The following RERE variants were observed in gnomAD, a reference collection of about 807,000 sequenced individuals.
RERE encodes the protein arginine-glutamic acid dipeptide repeats, also known as arginine-glutamic acid dipeptide repeats protein.
In RERE, 40 loss-of-function variants were observed where a neutral mutation model predicts 146.1. That is an observed-to-expected ratio of 0.27 (90% CI 0.21 to 0.36). RERE has a LOEUF of 0.36. RERE is among the 10% of genes least tolerant of loss of function. The pLI is 1.00. For missense variants in RERE, 1,933 were observed against 2,138.7 expected (o/e 0.90, Z 1.90); for synonymous variants, 1,003 against 866.0 (o/e 1.16, Z -2.78).
At position 8,714,300 on chromosome 1, in the gene RERE, G is replaced by A. The variant is rs540886853; in HGVS notation, c.-144-57859C>T. 2.3e-3 allele frequency among the ~76,000 whole-genome samples: 347 copies of A among 152,078 alleles called. 1 individual carries two copies. Among genetic ancestry groups the A allele is most frequent in the Admixed American group, 3.5e-3 (54 of 15,282 alleles). On this transcript the variant is annotated intron_variant, in intron 1 of 22. Transcript: ENST00000400908. ...CTCTAATAACTTTATCTTTCCAAGG[G>A]GCATCATTCAAGTAACAACTCATCC...
At chr1:8,740,895 T>A (rs1640293453) in intron 1 of RERE, among the ~76,000 whole-genome samples, 1 of 152,004 alleles carries the variant, frequency 6.6e-6, no homozygotes, top group Admixed American at 6.5e-5. Context: ...TTATTTTATA[T>A]GTAAGTAGAG....
intron 1 of RERE, among the ~76,000 whole-genome samples, chr1:8,662,459 G>C (rs756028985): frequency 1.4e-4 from 22 of 152,222 alleles, no homozygotes; most frequent in Non-Finnish European, 2.8e-4. Context: ...GAAATCATTT[G>C]AGGCAAGGAG....
At chr1:8,534,692 G>A (rs1335533434) in intron 7 of RERE, among the ~76,000 whole-genome samples, 2 of 65,082 alleles carry the variant, frequency 3.1e-5, no homozygotes, top group South Asian at 7.7e-4. Flanking sequence ...TGAATAAATC[G>A]AAAGTTTGAT....
At chr1:8,760,217 G>A (rs1049831656) in intron 1 of RERE, among the ~76,000 whole-genome samples, 3 of 152,152 alleles carry the variant, frequency 2.0e-5, no homozygotes, top group African/African-American at 7.2e-5. Flanking sequence ...AGTAGAGACG[G>A]GGTTTCATCA....
At chr1:8,570,334 A>G (rs1322931058) in intron 4 of RERE, among the ~76,000 whole-genome samples, 1 of 152,090 alleles carries the variant, frequency 6.6e-6, no homozygotes, top group East Asian at 1.9e-4. Flanking sequence ...CCATCTCAAA[A>G]AATAATAATA....
intron 1 of RERE, among the ~76,000 whole-genome samples, chr1:8,672,708 T>C (rs1329939350): frequency 6.6e-6 from 1 of 152,198 alleles, no homozygotes; most frequent in African/African-American, 2.4e-5. Context: ...ACCTTTATGG[T>C]TATTCAGCCT....
chr1:8,574,835 C>G (rs78945875), intron 4 of RERE, among the ~76,000 whole-genome samples: 3,999 of 152,174 alleles, frequency 0.026, 161 homozygotes, highest in African/African-American at 0.092. Flanking sequence ...TTTCTTGATA[C>G]CAGAAGTTAG....
chr1:8,430,052 A>G (rs1644075012), intron 11 of RERE: 1 of 152,224 alleles, frequency 6.6e-6, no homozygotes, highest in Non-Finnish European at 1.5e-5. Context: ...TTTGTATTAC[A>G]TGATGCTGGC....
At chr1:8,793,687 G>A (rs1641410784) in intron 1 of RERE, among the ~76,000 whole-genome samples, 1 of 152,208 alleles carries the variant, frequency 6.6e-6, no homozygotes, top group African/African-American at 2.4e-5. Context: ...CGTTCAGAGG[G>A]CGGAAAGAAA....
intron 6 of RERE, among the ~76,000 whole-genome samples, chr1:8,555,814 C>T (rs1646000466): frequency 6.6e-6 from 1 of 152,170 alleles, no homozygotes; most frequent in Non-Finnish European, 1.5e-5. Context: ...GACATAATTT[C>T]TGAAGACATT....
intron 1 of RERE, among the ~76,000 whole-genome samples, chr1:8,730,788 C>T (rs1421731209): frequency 6.6e-6 from 1 of 152,196 alleles, no homozygotes; most frequent in African/African-American, 2.4e-5. Context: ...CCAGTTTCCC[C>T]TTTGTACTTT....
At chr1:8,494,188 C>T (rs6701803) in intron 10 of RERE, among the ~76,000 whole-genome samples, 9,954 of 152,140 alleles carry the variant, frequency 0.065, 374 homozygotes, top group Middle Eastern at 0.1. Flanking sequence ...AGAAATTATT[C>T]GTGTAAAACT....
chr1:8,687,451 G>A (rs183531831), intron 1 of RERE, among the ~76,000 whole-genome samples: 34 of 152,280 alleles, frequency 2.2e-4, no homozygotes, highest in African/African-American at 7.7e-4. Flanking sequence ...TAAGTGAATG[G>A]ACTTGCCCAG....
At chr1:8,438,217 T>C (rs1644197375) in intron 11 of RERE, among the ~76,000 whole-genome samples, 1 of 151,584 alleles carries the variant, frequency 6.6e-6, no homozygotes, top group Admixed American at 6.6e-5. Flanking sequence ...TCTTGAACTC[T>C]TGATTTCAAG....
At chr1:8,520,760 A>AACAAAC (rs1645485072) in intron 7 of RERE, among the ~76,000 whole-genome samples, 5 of 149,302 alleles carry the variant, frequency 3.3e-5, no homozygotes, top group South Asian at 2.1e-4. Flanking sequence ...TTTTTAAAAA[A>AACAAAC]AAAAAAAAAA....
intron 12 of RERE, among the ~76,000 whole-genome samples, chr1:8,372,888 C>T (rs1018008918): frequency 1.3e-5 from 2 of 152,224 alleles, no homozygotes; most frequent in African/African-American, 4.8e-5. Context: ...TTCCAATGGG[C>T]ACCCTTTCTG....
intron 7 of RERE, among the ~76,000 whole-genome samples, chr1:8,531,329 G>A (rs930791991): frequency 6.6e-5 from 10 of 151,892 alleles, no homozygotes; most frequent in Non-Finnish European, 1.3e-4. Context: ...TGTAGTCCCA[G>A]CTACTCAGTA....
chr1:8,775,338 G>A (rs931096143), intron 1 of RERE, among the ~76,000 whole-genome samples: 2 of 152,178 alleles, frequency 1.3e-5, no homozygotes, highest in African/African-American at 2.4e-5. Context: ...TTGGGAGGCC[G>A]AAGCAGGAAG....
At chr1:8,370,720 G>GC (rs1160966662) in intron 12 of RERE, among the ~76,000 whole-genome samples, 1 of 152,214 alleles carries the variant, frequency 6.6e-6, no homozygotes, top group Non-Finnish European at 1.5e-5. Context: ...AGGGAGTGAA[G>GC]CAGCTAGAGG....
Sources: allele counts gnomAD v4.1 joint callset (sites outside exome capture counted in the v4.1 genomes callset), GRCh38; gene constraint gnomAD v4.1.1; transcripts MANE v1.5; gene names NCBI Gene and HGNC (gene_info 2026-07-23, HGNC 2026-07-21).